The following PARM1 variants were observed in gnomAD, a reference collection of about 807,000 sequenced individuals.
The protein encoded by PARM1 is prostate androgen-regulated mucin-like protein 1, also known as WSC4, cell wall integrity and stress response component 4 homolog.
Under a neutral mutation model 24.6 loss-of-function variants are expected in PARM1, and 14 were observed. The observed-to-expected ratio is 0.57, with a 90% CI of 0.38 to 0.89. The LOEUF is 0.89. PARM1 is among the 40% of genes least tolerant of loss of function. PARM1 has a pLI of 0.00. For synonymous variants in PARM1, 179 were observed against 156.6 expected, an observed-to-expected ratio of 1.14 and a Z score of -1.07; for missense variants, 362 against 380.4, an observed-to-expected ratio of 0.95 and a Z score of 0.40.
At chr4:74,934,580 G>C (rs1289428458) in intron 1 of PARM1, among the ~76,000 whole-genome samples, 1 of 152,244 alleles carries the variant, frequency 6.6e-6, no homozygotes, top group Non-Finnish European at 1.5e-5. Flanking sequence ...CTTTCTCGCT[G>C]GTATCTCGGC....
At chr4:74,960,443 A>G (rs573044135) in intron 1 of PARM1, among the ~76,000 whole-genome samples, 24 of 152,192 alleles carry the variant, frequency 1.6e-4, no homozygotes, top group Non-Finnish European at 3.2e-4. Flanking sequence ...TTAAAAACTA[A>G]CCGAGAAGAC....
chr4:75,044,066 T>C (rs1024719673), intron 3 of PARM1, among the ~76,000 whole-genome samples: 6 of 152,204 alleles, frequency 3.9e-5, no homozygotes, highest in African/African-American at 1.4e-4. Context: ...AAAAATTGTC[T>C]TTTTGCAAAT....
intron 3 of PARM1, 118 bp from the exon 4 acceptor site, chr4:75,046,045 T>G: frequency 1.5e-6 from 1 of 664,094 alleles, no homozygotes; most frequent in Non-Finnish European, 2.7e-6. Flanking sequence ...AGTGAGAGCG[T>G]CACAACTTTC....
In PARM1 at chr4:75,046,484, T is replaced by G; in HGVS notation, c.*237T>G. On this transcript the variant is annotated 3_prime_UTR_variant, in exon 4 of 4. Transcript: ENST00000307428. Reference sequence around the variant, plus strand: ...GATTTGCAGCTGAAGTGGGCCAGCCTTGCACCAGCCAGGCCAGACCACCAT... The same window carrying G: ...GATTTGCAGCTGAAGTGGGCCAGCCGTGCACCAGCCAGGCCAGACCACCAT... 2.3e-6 allele frequency: 1 copy of G among 430,682 alleles called. No individual in the cohort carries two copies. The highest frequency in any genetic ancestry group is 2.4e-5 in the South Asian group (1 of 41,762). The allele number at this position is 430,682 out of a possible 1,614,324, so 26.7% of individuals were successfully genotyped here.
Position 74,933,297 on chromosome 4 carries a change from C to A in PARM1, c.-31C>A, listed in dbSNP as rs1393896141. 1 of 1,603,862 alleles carries A rather than the reference C, an allele frequency of 6.2e-7. No individual in the cohort carries two copies. The highest frequency in any genetic ancestry group is 1.1e-5 in the South Asian group (1 of 89,964). ...CAGTCCGCAAACTCCTTGCCGCCCGCCCCGGGCTGGGCACCAAATACCAGG... is the reference window on the plus strand; with the variant it reads ...CAGTCCGCAAACTCCTTGCCGCCCGACCCGGGCTGGGCACCAAATACCAGG... On this transcript the variant is annotated 5_prime_UTR_variant, in exon 1 of 4. Coordinates refer to ENST00000307428, the MANE Select transcript of PARM1 (RefSeq NM_015393.4).
chr4:74,953,183 G>T (rs927333829), intron 1 of PARM1, among the ~76,000 whole-genome samples: 1 of 152,100 alleles, frequency 6.6e-6, no homozygotes. Context: ...TTCTTTATAT[G>T]TCATAATGAA....
Position 75,005,768 on chromosome 4 carries a change from G to A in PARM1, c.44-6657G>A, listed in dbSNP as rs942161173. Among the ~76,000 whole-genome samples the A allele has an allele frequency of 5.9e-5, 9 of 152,190 alleles. No individual in the cohort carries two copies. The East Asian group carries it at 9.6e-4, about 16-fold the overall frequency. On this transcript the variant is annotated intron_variant, in intron 1 of 3. Transcript: ENST00000307428. Reference sequence around the variant, plus strand: ...CTGGTTTTCTTCAGAGAAACAATCCGTCAGCTATTCTTGCAGCAAAAAAGC... The same window carrying A: ...CTGGTTTTCTTCAGAGAAACAATCCATCAGCTATTCTTGCAGCAAAAAAGC...
chr4:75,008,984 C>A (rs1386961910), intron 1 of PARM1, among the ~76,000 whole-genome samples: 1 of 151,932 alleles, frequency 6.6e-6, no homozygotes, highest in East Asian at 1.9e-4. Context: ...AATGCAAAGC[C>A]AGTAAGCTCC....
chr4:74,964,279 A>G (rs1014224433), intron 1 of PARM1, among the ~76,000 whole-genome samples: 2 of 152,224 alleles, frequency 1.3e-5, no homozygotes, highest in Admixed American at 1.3e-4. Flanking sequence ...TACCTGGAGA[A>G]CAGCATTCAC....
At chr4:74,958,181 A>G (rs1365221758) in intron 1 of PARM1, among the ~76,000 whole-genome samples, 2 of 152,240 alleles carry the variant, frequency 1.3e-5, no homozygotes, top group Non-Finnish European at 2.9e-5. Flanking sequence ...TATATAAGCC[A>G]GAGTGGTTGA....
At chr4:75,014,807 A>G (rs1722950606) in intron 2 of PARM1, among the ~76,000 whole-genome samples, 2 of 152,076 alleles carry the variant, frequency 1.3e-5, no homozygotes, top group Non-Finnish European at 2.9e-5. Context: ...CACCTTTTTT[A>G]TACCTCCAGG....
At chr4:74,981,998 T>C (rs948761133) in intron 1 of PARM1, among the ~76,000 whole-genome samples, 6 of 152,060 alleles carry the variant, frequency 3.9e-5, no homozygotes, top group Non-Finnish European at 7.3e-5. Flanking sequence ...CGCACTCATA[T>C]GTTCATTGCA....
At chr4:74,986,782 A>G (rs1235815449) in intron 1 of PARM1, among the ~76,000 whole-genome samples, 1 of 152,230 alleles carries the variant, frequency 6.6e-6, no homozygotes, top group African/African-American at 2.4e-5. Flanking sequence ...TATCCATGGC[A>G]GAAAGTTCAG....
At chr4:74,954,003 T>C (rs1226844870) in intron 1 of PARM1, among the ~76,000 whole-genome samples, 1 of 152,216 alleles carries the variant, frequency 6.6e-6, no homozygotes, top group Non-Finnish European at 1.5e-5. Flanking sequence ...AAAGGTGACA[T>C]GTACTACAGC....
rs548587057 is a variant in PARM1 at position 75,015,054 on chromosome 4, A to G, written c.769+1904A>G. ...GCCCTCACCACCACTTGTCTGTACA[A>G]CTTTTTCAGTTTTTAACCAGCCACT... On this transcript the variant is annotated intron_variant, in intron 2 of 3. Transcript: ENST00000307428. Among the ~76,000 whole-genome samples, 5 of 152,182 alleles carry G rather than the reference A, an allele frequency of 3.3e-5. No individual in the cohort carries two copies. In the South Asian group the frequency reaches 1.0e-3, roughly 32 times the overall value.
chr4:75,000,937 G>C (rs879489050), intron 1 of PARM1, among the ~76,000 whole-genome samples: 1 of 152,160 alleles, frequency 6.6e-6, no homozygotes, highest in East Asian at 1.9e-4. Flanking sequence ...TAGCTGTATG[G>C]CTTGGTGTTT....
rs531446648 is a variant in PARM1, at chr4:75,022,714, G to A, written c.769+9564G>A. On this transcript the variant is annotated intron_variant, in intron 2 of 3. Transcript: ENST00000307428. ...CATTAATATGCCAGGATATGGATATGCTTGATTCCATACCCTGACTGAACC... is the reference window on the plus strand; with the variant it reads ...CATTAATATGCCAGGATATGGATATACTTGATTCCATACCCTGACTGAACC... Among the ~76,000 whole-genome samples, 5 of 152,270 alleles carry A rather than the reference G, an allele frequency of 3.3e-5. No individual in the cohort carries two copies. In the South Asian group the frequency reaches 1.0e-3, roughly 32 times the overall value.
chr4:74,936,036 T>C (rs1030275172), intron 1 of PARM1, among the ~76,000 whole-genome samples: 1 of 152,130 alleles, frequency 6.6e-6, no homozygotes, highest in Non-Finnish European at 1.5e-5. Flanking sequence ...GGTATTCCTA[T>C]GCTGCCCAGG....
intron 2 of PARM1, among the ~76,000 whole-genome samples, chr4:75,022,467 G>T (rs1723104675): frequency 6.6e-6 from 1 of 152,148 alleles, no homozygotes; most frequent in Admixed American, 6.5e-5. Context: ...AATAAAATCA[G>T]CTATTTACTA....
Sources: gnomAD v4.1 joint callset for allele counts (sites outside exome capture counted in the v4.1 genomes callset) on GRCh38, gnomAD v4.1.1 for gene constraint, MANE v1.5 for transcripts, NCBI Gene and HGNC (gene_info 2026-07-23, HGNC 2026-07-21) for gene names.